The following CCDC157 variants were observed in gnomAD, a reference collection of about 807,000 sequenced individuals.
CCDC157 encodes the protein coiled-coil domain-containing protein 157.
In CCDC157, 60 loss-of-function variants were observed where a neutral mutation model predicts 70.9. That is an observed-to-expected ratio of 0.85 (90% confidence interval 0.69 to 1.05). CCDC157 has a LOEUF of 1.05. CCDC157 is among the 50% of genes least tolerant of loss of function. CCDC157 has a pLI of 0.00. For synonymous variants in CCDC157, 373 were observed against 422.4 expected (o/e 0.88, Z 1.43); for missense variants, 943 against 984.2 (o/e 0.96, Z 0.56).
Position 30,378,489 on chromosome 22 carries a change from G to C in CCDC157, c.*1744G>C, listed in dbSNP as rs963479915. 5.9e-6 allele frequency: 1 copy of C among 169,614 alleles called. No individual in the cohort carries two copies. The highest frequency in any genetic ancestry group is 2.4e-5 in the African/African-American group (1 of 42,154). The allele number at this position is 169,614 out of a possible 1,614,324, so 10.5% of individuals were successfully genotyped here. A position where few individuals can be genotyped will look rare whatever the true frequency, so the allele number is the denominator to read the frequency against. ...ACTAAAAATACAAAATTAGCCGGGC[G>C]TGGTGGCGCATGTCTGTAATCCCAG... On this transcript the variant is annotated 3_prime_UTR_variant, in exon 12 of 12. Coordinates refer to ENST00000338306, the MANE Select transcript of CCDC157 (RefSeq NM_001017437.5).
At chr22:30,374,470 T>A in intron 9 of CCDC157, 1 of 473,306 alleles carries the variant, frequency 2.1e-6, no homozygotes. Context: ...ATGGGACTAG[T>A]CCCAAGGACA....
chr22:30,371,809 T>C (rs1394129651), intron 6 of CCDC157, 82 bp downstream of exon 6: 33 of 1,281,118 alleles, frequency 2.6e-5, no homozygotes, highest in Non-Finnish European at 3.3e-5. Flanking sequence ...CTCTGTCCCC[T>C]GAGCATCCAG....
Position 30,378,531 on chromosome 22 carries a change from G to A in CCDC157, c.*1786G>A, listed in dbSNP as rs182531900. ...TAATCCCAGCTACTTGGGAGGCTGAGACAGGAGAATTGCTTGAACCCGGGA... is the reference window on the plus strand; with the variant it reads ...TAATCCCAGCTACTTGGGAGGCTGAAACAGGAGAATTGCTTGAACCCGGGA... On this transcript the variant is annotated 3_prime_UTR_variant, in exon 12 of 12. Transcript: ENST00000338306. 1.6e-3 allele frequency: 257 copies of A among 157,112 alleles called. 8 individuals carry two copies. The East Asian group carries it at 0.038, about 23-fold the overall frequency. 9.7% of individuals were successfully genotyped at this position (157,112 alleles called of 1,614,324 possible).
rs112296329 is a variant in CCDC157, at chr22:30,376,593, A to G, written c.2107A>G (p.Ser703Gly). The G allele has an allele frequency of 6.2e-7, 1 of 1,613,708 alleles. No individual in the cohort carries two copies. The highest frequency in any genetic ancestry group is 2.2e-5 in the East Asian group (1 of 44,840). The change falls in exon 12 of 12, where the codon AGC becomes GGC. Residue 703 changes from serine (S) to glycine (G), a missense_variant. Transcript: ENST00000338306. ...CACATCCCCATCTCGGCAGCCCTGC[A>G]GCCAGCCCAGCAAGTCCTTGCTGGA... ...PCTSPSRQPC[S>G]QPSKSLLEGV...
At position 30,375,494 on chromosome 22, in the gene CCDC157, G is replaced by A. The variant is rs752568000; in HGVS notation, c.1688G>A (p.Ser563Asn). The A allele has an allele frequency of 1.2e-6, 2 of 1,614,156 alleles. No individual in the cohort carries two copies. The highest frequency in any genetic ancestry group is 1.7e-6 in the Non-Finnish European group (2 of 1,180,018). Residue 563 changes from serine (S) to asparagine (N), a missense_variant, in exon 10 of 12, where the codon AGC becomes AAC. Ser to Asn is a conservative substitution (Grantham distance 46). Coordinates refer to ENST00000338306, the MANE Select transcript of CCDC157 (RefSeq NM_001017437.5). The stretch of plus-strand genomic sequence containing the variant: ...TTGGGCACAGGAGGCAGATCCAGCA[G>A]CGTGGAATCCCAGATAACATGTCCC... ...ETQIHGGRSS[S>N]VESQITCPTD...
chr22:30,371,905 A>AC (rs1232410540), intron 6 of CCDC157, 170 bp from the exon 7 acceptor site: 1 of 730,624 alleles, frequency 1.4e-6, no homozygotes, highest in African/African-American at 1.8e-5. Context: ...GCCACCTCCT[A>AC]CCGAGAAAGC....
chr22:30,369,240 G>A (rs1250888760), intron 3 of CCDC157, 192 bp from the exon 4 acceptor site: 4 of 422,260 alleles, frequency 9.5e-6, no homozygotes, highest in Non-Finnish European at 1.6e-5. Context: ...AGCTGAGGCT[G>A]TGGCCAGGGA....
At chr22:30,369,350 C>T in intron 3 of CCDC157, 82 bp from the exon 4 acceptor site, 4 of 1,270,810 alleles carry the variant, frequency 3.1e-6, no homozygotes, top group Non-Finnish European at 4.1e-6. Flanking sequence ...GCCAGTTCCC[C>T]AGAGCCAGAG....
At chr22:30,362,295 G>T (rs1221887857) in intron 2 of CCDC157, among the ~76,000 whole-genome samples, 181 bp downstream of exon 2, 2 of 152,216 alleles carry the variant, frequency 1.3e-5, no homozygotes, top group Admixed American at 6.5e-5. Context: ...CTCAAATAAT[G>T]ATTCCATTCT....
At position 30,372,346 on chromosome 22, in the gene CCDC157, C is replaced by T; in HGVS notation, c.1335+60C>T. ...CAATGTAGGCTGCAGGGAAAGAGGGCTCCACTGTCAGGGAATGGGGGATCA... is the reference window on the plus strand; with the variant it reads ...CAATGTAGGCTGCAGGGAAAGAGGGTTCCACTGTCAGGGAATGGGGGATCA... On this transcript the variant is annotated intron_variant, in intron 7 of 11. Coordinates refer to ENST00000338306, the MANE Select transcript of CCDC157 (RefSeq NM_001017437.5). 16 of 1,452,688 alleles carry T rather than the reference C, an allele frequency of 1.1e-5. No individual in the cohort carries two copies. In the South Asian group the frequency reaches 2.0e-4, roughly 18 times the overall value. The allele number at this position is 1,452,688 out of a possible 1,614,324, so 90.0% of individuals were successfully genotyped here.
At chr22:30,368,494 T>C in intron 3 of CCDC157, among the ~76,000 whole-genome samples, 1 of 152,226 alleles carries the variant, frequency 6.6e-6, no homozygotes, top group East Asian at 1.9e-4. Context: ...AGTCTCCCGC[T>C]GCGAGGGTCG....
At chr22:30,374,388 C>T (rs771602501) in intron 9 of CCDC157, 4 of 589,030 alleles carry the variant, frequency 6.8e-6, no homozygotes, top group Non-Finnish European at 1.3e-5. Context: ...TTCACTACGT[C>T]ACATGCTAAT....
At chr22:30,374,149 G>A in intron 9 of CCDC157, 58 bp downstream of exon 9, 1 of 1,535,148 alleles carries the variant, frequency 6.5e-7, no homozygotes. Flanking sequence ...GCAGCTGAGG[G>A]CTCGTGTGGG....
intron 4 of CCDC157, chr22:30,369,923 C>A: frequency 2.2e-6 from 1 of 459,998 alleles, no homozygotes; most frequent in Non-Finnish European, 3.9e-6. Flanking sequence ...ATCCCGTAAT[C>A]CACACAACCA....
intron 1 of CCDC157, among the ~76,000 whole-genome samples, chr22:30,357,782 G>T (rs1340707855): frequency 6.6e-6 from 1 of 151,600 alleles, no homozygotes; most frequent in Non-Finnish European, 1.5e-5. Context: ...TTCCCAAAGT[G>T]TTAGGGTTAC....
At chr22:30,359,532 A>G (rs928710686) in intron 1 of CCDC157, among the ~76,000 whole-genome samples, 2 of 152,256 alleles carry the variant, frequency 1.3e-5, no homozygotes, top group Admixed American at 1.3e-4. Context: ...CTCAGTCCTC[A>G]TTTGCTGAAT....
rs547209278 is a variant in CCDC157 at position 30,370,803 on chromosome 22, G to A, written c.898G>A (p.Ala300Thr). 5 of 1,613,122 alleles carry A rather than the reference G, an allele frequency of 3.1e-6. No homozygotes were observed. In the South Asian group the frequency reaches 3.3e-5, roughly 11 times the overall value. Reference sequence around the variant, plus strand: ...GGCCCTCAGGGCCCAGCTGGAGGAGGCTGAAGGGCAGAAGGATGGCCTGAG... The same window carrying A: ...GGCCCTCAGGGCCCAGCTGGAGGAGACTGAAGGGCAGAAGGATGGCCTGAG... ...VEALRAQLEEAEGQKDGLRKQ... is the reference protein window; with the variant it reads ...VEALRAQLEETEGQKDGLRKQ... Residue 300 changes from alanine to threonine, a missense_variant, in exon 5 of 12, where the codon GCT becomes ACT. By Grantham distance (58) the Ala-to-Thr change is moderately conservative. Transcript: ENST00000338306.
chr22:30,357,261 C>T (rs1019909882), intron 1 of CCDC157, 129 bp downstream of exon 1: 4 of 155,116 alleles, frequency 2.6e-5, no homozygotes, highest in Admixed American at 6.5e-5. Flanking sequence ...ATTGGTCTCT[C>T]ATTTAGGAGA....
chr22:30,370,758 C>T lies in CCDC157; in HGVS notation c.853C>T (p.Arg285Cys), dbSNP rs145673028. ...WAAEQRKDLT[R>C]LSKHVEALRA... ...AGCAGAGCAGAGGAAAGACCTGACG[C>T]GCCTCAGTAAGCATGTGGAGGCCCT... Residue 285 changes from arginine to cysteine, a missense_variant, in exon 5 of 12, where the codon CGC becomes TGC. Coordinates refer to ENST00000338306, the MANE Select transcript of CCDC157 (RefSeq NM_001017437.5). 1.2e-4 allele frequency: 193 copies of T among 1,613,434 alleles called. No individual in the cohort carries two copies. The highest frequency in any genetic ancestry group is 1.7e-4 in the Middle Eastern group (1 of 6,052).
Sources: gnomAD v4.1 joint callset for allele counts (sites outside exome capture counted in the v4.1 genomes callset) on GRCh38, gnomAD v4.1.1 for gene constraint, MANE v1.5 for transcripts, NCBI Gene and HGNC (gene_info 2026-07-23, HGNC 2026-07-21) for gene names.